KCNC1: variants seen among roughly 807,000 people sequenced by gnomAD.
KCNC1 encodes the protein potassium voltage-gated channel subfamily C member 1.
In KCNC1, 8 loss-of-function variants were observed where a neutral mutation model predicts 43.4. The ratio of observed to expected loss-of-function variants is 0.18; its 90% CI spans 0.11 to 0.33. The LOEUF (loss-of-function observed/expected upper bound fraction) is 0.33, where lower values mean the gene tolerates loss of function less well. KCNC1 is among the 10% of genes least tolerant of loss of function. The probability of loss-of-function intolerance (pLI) is 1.00; values close to 1 mark genes in which losing one functional copy is unlikely to be tolerated. For synonymous variants in KCNC1, 361 were observed against 360.5 expected, an observed-to-expected ratio of 1.00 and a Z score of -0.01; for missense variants, 420 against 836.0, an observed-to-expected ratio of 0.50 and a Z score of 6.14.
chr11:17,760,567 G>A (rs938751203), intron 1 of KCNC1, among the ~76,000 whole-genome samples: 1 of 152,182 alleles, frequency 6.6e-6, no homozygotes, highest in Non-Finnish European at 1.5e-5. Flanking sequence ...AGGGGGCACT[G>A]TGGGACAGCA....
At chr11:17,749,006 T>C (rs1281468196) in intron 1 of KCNC1, among the ~76,000 whole-genome samples, 1 of 152,136 alleles carries the variant, frequency 6.6e-6, no homozygotes, top group Non-Finnish European at 1.5e-5. Context: ...GTGAGCTCTT[T>C]CCAGTCACAC....
intron 1 of KCNC1, among the ~76,000 whole-genome samples, chr11:17,757,894 G>T (rs565298997): frequency 6.6e-6 from 1 of 152,174 alleles, no homozygotes; most frequent in African/African-American, 2.4e-5. Context: ...GATGGCTGCC[G>T]ATTGATCAGC....
At chr11:17,770,085 G>A (rs774945422) in intron 1 of KCNC1, among the ~76,000 whole-genome samples, 34 of 152,236 alleles carry the variant, frequency 2.2e-4, no homozygotes, top group Middle Eastern at 6.3e-3. Context: ...CAGGCCCTGT[G>A]ACCATGGTTA....
At position 17,736,469 on chromosome 11, in the gene KCNC1, C is replaced by A. The variant is rs1848767540; in HGVS notation, c.467C>A (p.Ala156Glu). The change falls in exon 1 of 4, where the codon GCG (alanine) becomes GAG (glutamate). Residue 156 changes from alanine (A) to glutamate (E), a missense_variant. By Grantham distance (107) the Ala-to-Glu change is moderately radical. Transcript: ENST00000265969. This position sits in a 1 kb window ranked among gnomAD's most constrained non-coding sequence, Gnocchi z 9.3. ...EDELEMTKRL[A>E]LSDSPDGRPG... ...GAGCTGGAGATGACCAAGCGCCTGG[C>A]GCTCAGTGACTCCCCGGATGGCCGG... The A allele has an allele frequency of 1.2e-6, 2 of 1,600,150 alleles. No homozygotes were observed. Among genetic ancestry groups the A allele is most frequent in the Non-Finnish European group, 8.5e-7 (1 of 1,177,122 alleles).
rs950534981 is a variant in KCNC1 at position 17,781,098 on chromosome 11, C to G, written c.1694-572C>G. On this transcript the variant is annotated intron_variant, in intron 3 of 3. Coordinates refer to ENST00000265969, the MANE Select transcript of KCNC1 (RefSeq NM_001112741.2). This position sits in a 1 kb window ranked among gnomAD's most constrained non-coding sequence, Gnocchi z 5.1. Reference sequence around the variant, plus strand: ...GCCCTGCCCAGTAAGCTCTCGTGGGCTTTCTGTCTCCATCATCTTGAATGT... The same window carrying G: ...GCCCTGCCCAGTAAGCTCTCGTGGGGTTTCTGTCTCCATCATCTTGAATGT... 6.6e-6 allele frequency: 1 copy of G among 152,274 alleles called. No homozygotes were observed. Among genetic ancestry groups the G allele is most frequent in the Non-Finnish European group, 1.5e-5 (1 of 68,060 alleles). The allele number at this position is 152,274 out of a possible 1,614,324, so 9.4% of individuals were successfully genotyped here. A position where few individuals can be genotyped will look rare whatever the true frequency, so the allele number is the denominator to read the frequency against.
chr11:17,753,577 G>A (rs906344903), intron 1 of KCNC1, among the ~76,000 whole-genome samples: 2 of 152,176 alleles, frequency 1.3e-5, no homozygotes, highest in African/African-American at 4.8e-5. Flanking sequence ...CATCGTTCCC[G>A]ACCTTTGAAT....
rs1388453073 is a variant in KCNC1 at position 17,739,606 on chromosome 11, T to C, written c.570+3034T>C. Among the ~76,000 whole-genome samples the C allele has an allele frequency of 6.6e-6, 1 of 151,424 alleles. No homozygotes were observed. Among genetic ancestry groups the C allele is most frequent in the Non-Finnish European group, 1.5e-5 (1 of 67,904 alleles). ...GAGTGCGTGAGAGTCGAGGTGAGTG[T>C]GTCTGCGTGAGTGTGTGGCTGTGTG... On this transcript the variant is annotated intron_variant, in intron 1 of 3. Coordinates refer to ENST00000265969, the MANE Select transcript of KCNC1 (RefSeq NM_001112741.2). The surrounding 1 kb of genome is among the most constrained non-coding windows in gnomAD (Gnocchi z 4.2).
chr11:17,736,014 G>T lies in KCNC1; in HGVS notation c.12G>T (p.Gly4=). Residue 4 remains glycine (G), a synonymous_variant, in exon 1 of 4, where the codon GGG becomes GGT. Transcript: ENST00000265969. The surrounding 1 kb of genome is among the most constrained non-coding windows in gnomAD (Gnocchi z 9.3). Reference sequence around the variant, plus strand: ...AAGGGGGCGCCGCGATGGGCCAAGGGGACGAGAGCGAGCGCATCGTGATCA... The same window carrying T: ...AAGGGGGCGCCGCGATGGGCCAAGGTGACGAGAGCGAGCGCATCGTGATCA... MGQ[G]DESERIVINV... is the part of the protein sequence containing the mutation. The T allele has an allele frequency of 6.6e-7, 1 of 1,504,458 alleles. No homozygotes were observed. The highest frequency in any genetic ancestry group is 8.9e-7 in the Non-Finnish European group (1 of 1,128,440). 93.2% of individuals were successfully genotyped at this position (1,504,458 alleles called of 1,614,324 possible).
intron 1 of KCNC1, among the ~76,000 whole-genome samples, chr11:17,757,984 T>C (rs1235258020): frequency 6.6e-6 from 1 of 152,180 alleles, no homozygotes; most frequent in East Asian, 1.9e-4. Context: ...ATCAATTGAC[T>C]CTCCCTTTCA....
Position 17,735,138 on chromosome 11 carries a change from C to T in KCNC1, c.-865C>T, listed in dbSNP as rs1848748499. ...GTCCCTTCAGCACCGCCGCGGGAGC[C>T]CAAGTCCGAGCGCAGCCCAGCGGAA... On this transcript the variant is annotated 5_prime_UTR_variant, in exon 1 of 4. Coordinates refer to ENST00000265969, the MANE Select transcript of KCNC1 (RefSeq NM_001112741.2). This position sits in a 1 kb window ranked among gnomAD's most constrained non-coding sequence, Gnocchi z 6.7. 1 of 152,178 alleles carries T rather than the reference C, an allele frequency of 6.6e-6. No individual in the cohort carries two copies. The highest frequency in any genetic ancestry group is 1.5e-5 in the Non-Finnish European group (1 of 68,088). 9.4% of individuals were successfully genotyped at this position (152,178 alleles called of 1,614,324 possible).
Position 17,781,741 on chromosome 11 carries a change from G to A in KCNC1, c.*7G>A, listed in dbSNP as rs540861323. Reference sequence around the variant, plus strand: ...GGCTGTGAGAGTGACTTGACCAGGCGGCTTGGCCGAGGACACTGGTGGCTA... The same window carrying A: ...GGCTGTGAGAGTGACTTGACCAGGCAGCTTGGCCGAGGACACTGGTGGCTA... On this transcript the variant is annotated 3_prime_UTR_variant, in exon 4 of 4. Coordinates refer to ENST00000265969, the MANE Select transcript of KCNC1 (RefSeq NM_001112741.2). The surrounding 1 kb of genome is among the most constrained non-coding windows in gnomAD (Gnocchi z 5.1). 4.5e-5 allele frequency: 69 copies of A among 1,549,800 alleles called. No homozygotes were observed. The highest frequency in any genetic ancestry group is 1.1e-4 in the African/African-American group (8 of 73,126).
In KCNC1 at chr11:17,781,234, G is replaced by A; in HGVS notation, c.1694-436G>A. ...AACAGCGCTGCTCCCTGCAGTGGCT[G>A]GGAGTCCAGCGGTAAGCACTGTCCA... On this transcript the variant is annotated intron_variant, in intron 3 of 3. Transcript: ENST00000265969. This position sits in a 1 kb window ranked among gnomAD's most constrained non-coding sequence, Gnocchi z 5.1. The A allele has an allele frequency of 6.1e-6, 1 of 163,518 alleles. No individual in the cohort carries two copies. The highest frequency in any genetic ancestry group is 1.3e-5 in the Non-Finnish European group (1 of 75,636). The allele number at this position is 163,518 out of a possible 1,614,324, so 10.1% of individuals were successfully genotyped here. A position where few individuals can be genotyped will look rare whatever the true frequency, so the allele number is the denominator to read the frequency against.
chr11:17,779,353 G>C lies in KCNC1; in HGVS notation c.1505-103G>C, dbSNP rs956070461. The stretch of plus-strand genomic sequence containing the variant: ...TGCCCGCTTTTCCGTCCTCAGGGAC[G>C]CTCAAGCTGCCCTCTGCCAATACCC... On this transcript the variant is annotated intron_variant, in intron 2 of 3. Transcript: ENST00000265969. This position sits in a 1 kb window ranked among gnomAD's most constrained non-coding sequence, Gnocchi z 7.2. 5 of 959,976 alleles carry C rather than the reference G, an allele frequency of 5.2e-6. No homozygotes were observed. Among genetic ancestry groups the C allele is most frequent in the Non-Finnish European group, 5.9e-6 (4 of 682,418 alleles). The allele number at this position is 959,976 out of a possible 1,614,324, so 59.5% of individuals were successfully genotyped here.
intron 1 of KCNC1, among the ~76,000 whole-genome samples, chr11:17,752,424 C>T (rs1489932385): frequency 1.3e-5 from 2 of 152,216 alleles, no homozygotes; most frequent in African/African-American, 4.8e-5. Context: ...AGTATAGCTC[C>T]AGCACACACA....
intron 1 of KCNC1, among the ~76,000 whole-genome samples, chr11:17,746,973 A>G (rs993424743): frequency 1.3e-5 from 2 of 152,222 alleles, no homozygotes; most frequent in African/African-American, 2.4e-5. Flanking sequence ...AACCCAGAAC[A>G]TAGTAAGTGC....
intron 1 of KCNC1, among the ~76,000 whole-genome samples, chr11:17,756,517 CCAAA>C (rs1463458782): frequency 3.0e-4 from 25 of 83,680 alleles, no homozygotes; most frequent in Non-Finnish European, 1.2e-4. Flanking sequence ...TCCCTTCCCT[CCAAA>C]CACACACACA....
At chr11:17,746,932 G>A (rs534932827) in intron 1 of KCNC1, among the ~76,000 whole-genome samples, 1 of 152,286 alleles carries the variant, frequency 6.6e-6, no homozygotes, top group South Asian at 2.1e-4. Context: ...GGGAAGTTGG[G>A]AGGATCCAAT....
intron 1 of KCNC1, among the ~76,000 whole-genome samples, chr11:17,754,048 C>CA (rs1848998556): frequency 6.6e-6 from 1 of 152,362 alleles, no homozygotes; most frequent in East Asian, 1.9e-4. Context: ...TGACATGCAT[C>CA]ACTCATGTTC....
rs762218553 is a variant in KCNC1 at position 17,736,080 on chromosome 11, G to C, written c.78G>C (p.Leu26=). The stretch of plus-strand genomic sequence containing the variant: ...GCCACCAGACGTACCGCTCGACCCT[G>C]CGCACGCTGCCCGGCACGCGGCTCG... ...GTRHQTYRST[L]RTLPGTRLAW... Residue 26 remains leucine (L), a synonymous_variant, in exon 1 of 4, where the codon CTG becomes CTC. Coordinates refer to ENST00000265969, the MANE Select transcript of KCNC1 (RefSeq NM_001112741.2). This position sits in a 1 kb window ranked among gnomAD's most constrained non-coding sequence, Gnocchi z 9.3. The C allele has an allele frequency of 1.9e-6, 3 of 1,605,242 alleles. No homozygotes were observed. The highest frequency in any genetic ancestry group is 2.6e-6 in the Non-Finnish European group (3 of 1,176,114).
Sources: gnomAD v4.1 joint callset for allele counts (sites outside exome capture counted in the v4.1 genomes callset) on GRCh38, gnomAD v4.1.1 for gene constraint, Gnocchi (gnomAD v3.1) non-coding constraint, MANE v1.5 for transcripts, NCBI Gene and HGNC (gene_info 2026-07-23, HGNC 2026-07-21) for gene names.